Variants in GALK2 observed in about 807,000 individuals in gnomAD.
GALK2 encodes the protein galactokinase 2, also known as N-acetylgalactosamine kinase.
A neutral mutation model predicts 52.4 loss-of-function variants in GALK2; 36 were observed. That is an observed-to-expected ratio of 0.69 (90% CI 0.53 to 0.91). The LOEUF (loss-of-function observed/expected upper bound fraction) is 0.91, where lower values mean the gene tolerates loss of function less well. Ranked by LOEUF, GALK2 falls within the 40% of genes least tolerant of loss-of-function variation. The pLI is 0.00. For missense variants in GALK2, 579 were observed against 559.1 expected (o/e 1.04, Z -0.36); for synonymous variants, 176 against 199.1 (o/e 0.88, Z 0.98).
chr15:49,329,734 T>C lies in GALK2; in HGVS notation c.*1575T>C, dbSNP rs1429223056. On this transcript the variant is annotated 3_prime_UTR_variant, in exon 10 of 10. Transcript: ENST00000560031. Reference sequence around the variant, plus strand: ...TATTTAAATTTATAATCCTTTATTTTTTAATACCGTGCCATTTTCCACAAA... The same window carrying C: ...TATTTAAATTTATAATCCTTTATTTCTTAATACCGTGCCATTTTCCACAAA... The C allele has an allele frequency of 3.1e-6, 3 of 974,468 alleles. No individual in the cohort carries two copies. Among genetic ancestry groups the C allele is most frequent in the African/African-American group, 1.8e-5 (1 of 56,974 alleles). The allele number at this position is 974,468 out of a possible 1,614,324, so 60.4% of individuals were successfully genotyped here.
intron 2 of GALK2, among the ~76,000 whole-genome samples, chr15:49,214,433 C>T (rs1325274200): frequency 3.4e-5 from 5 of 148,470 alleles, no homozygotes; most frequent in Middle Eastern, 3.5e-3. Context: ...CGGGTTCAAG[C>T]GATTCTCCTG....
At chr15:49,350,158 G>T (rs1390118114) in intron 3 of GALK2, among the ~76,000 whole-genome samples, 1 of 151,892 alleles carries the variant, frequency 6.6e-6, no homozygotes, top group Non-Finnish European at 1.5e-5. Flanking sequence ...TCAAGGCAGT[G>T]TTGTTCATAG....
intron 8 of GALK2, chr15:49,319,118 T>A: frequency 2.7e-6 from 1 of 367,420 alleles, no homozygotes; most frequent in South Asian, 2.1e-5. Context: ...CATGCCCAGG[T>A]AATTTTTGTA....
At position 49,234,699 on chromosome 15, in the gene GALK2, C is replaced by T. The variant is rs146222954; in HGVS notation, c.267-1152C>T. On this transcript the variant is annotated intron_variant, in intron 3 of 9. Coordinates refer to ENST00000560031, the MANE Select transcript of GALK2 (RefSeq NM_002044.4). ...ACCTACCATCAGGTCCCTCCCACAA[C>T]GTGTGAGAATTATGGGAGCTACAAT... Among the ~76,000 whole-genome samples the T allele has an allele frequency of 2.0e-4, 30 of 152,198 alleles. No individual in the cohort carries two copies. In the East Asian group the frequency reaches 5.2e-3, roughly 26 times the overall value.
In GALK2 at chr15:49,192,840, AG is replaced by A. The variant is rs1482893892; in HGVS notation, c.54-8320del. The stretch of plus-strand genomic sequence containing the variant: ...TTTAAAAATTTTTTCTTTTAGAGAC[AG>A]GTCACCCTATGTGGCCTAAGCTAGT... On this transcript the variant is annotated intron_variant, in intron 1 of 9. Coordinates refer to ENST00000560031, the MANE Select transcript of GALK2 (RefSeq NM_002044.4). Among the ~76,000 whole-genome samples the A allele has an allele frequency of 2.0e-5, 3 of 152,026 alleles. No individual in the cohort carries two copies. In the East Asian group the frequency reaches 5.8e-4, roughly 29 times the overall value.
intron 3 of GALK2, among the ~76,000 whole-genome samples, chr15:49,355,745 C>T (rs1371832572): frequency 6.6e-6 from 1 of 151,324 alleles, no homozygotes; most frequent in Non-Finnish European, 1.5e-5. Flanking sequence ...GAGAACACCA[C>T]AAAGATACTC....
chr15:49,175,775 G>A (rs1333475175), intron 1 of GALK2, among the ~76,000 whole-genome samples: 1 of 152,178 alleles, frequency 6.6e-6, no homozygotes, highest in African/African-American at 2.4e-5. Flanking sequence ...CCTGGGCCTG[G>A]TAGTTAAAGA....
At chr15:49,346,070 T>TA (rs964176292) in intron 3 of GALK2, among the ~76,000 whole-genome samples, 1 of 152,042 alleles carries the variant, frequency 6.6e-6, no homozygotes, top group African/African-American at 2.4e-5. Flanking sequence ...TTTTTTCCTT[T>TA]TTCCATGAAG....
intron 5 of GALK2, among the ~76,000 whole-genome samples, chr15:49,241,642 C>T (rs1294603263): frequency 6.6e-6 from 1 of 152,126 alleles, no homozygotes; most frequent in East Asian, 1.9e-4. Flanking sequence ...TGGTAAAGTT[C>T]AGTGGATACA....
chr15:49,328,577 T>G lies in GALK2; in HGVS notation c.*418T>G, dbSNP rs1220040427. The stretch of plus-strand genomic sequence containing the variant: ...TCATTTCTGGTTTCTCTTAGTATTC[T>G]TCTTCCTCAAAGTTGTAGTTGTCTG... On this transcript the variant is annotated 3_prime_UTR_variant, in exon 10 of 10. Coordinates refer to ENST00000560031, the MANE Select transcript of GALK2 (RefSeq NM_002044.4). 11 of 1,602,676 alleles carry G rather than the reference T, an allele frequency of 6.9e-6. No homozygotes were observed. In the South Asian group the frequency reaches 1.1e-4, roughly 16 times the overall value.
At chr15:49,195,689 C>G (rs1195833212) in intron 1 of GALK2, among the ~76,000 whole-genome samples, 2 of 152,042 alleles carry the variant, frequency 1.3e-5, no homozygotes, top group Non-Finnish European at 2.9e-5. Context: ...GGCAGGTTGC[C>G]TAAGCTGGTC....
At chr15:49,289,884 G>A (rs529746378) in intron 7 of GALK2, among the ~76,000 whole-genome samples, 3 of 152,254 alleles carry the variant, frequency 2.0e-5, no homozygotes, top group East Asian at 1.9e-4. Flanking sequence ...TTCCATGACT[G>A]TGGACAAAGC....
At chr15:49,262,845 G>A (rs1400998393) in intron 5 of GALK2, among the ~76,000 whole-genome samples, 2 of 145,166 alleles carry the variant, frequency 1.4e-5, no homozygotes, top group Non-Finnish European at 3.0e-5. Flanking sequence ...TCATTCAGGA[G>A]CAGGTTGTTC....
Position 49,253,737 on chromosome 15 carries a change from T to A in GALK2, c.504+14370T>A, listed in dbSNP as rs545421612. 5.5e-5 allele frequency among the ~76,000 whole-genome samples: 8 copies of A among 144,168 alleles called. 2 individuals carry two copies. Among genetic ancestry groups the A allele is most frequent in the Non-Finnish European group, 1.2e-4 (8 of 64,236 alleles). 94.6% of individuals were successfully genotyped at this position (144,168 alleles called of 152,430 possible). On this transcript the variant is annotated intron_variant, in intron 5 of 9. Transcript: ENST00000560031. Reference sequence around the variant, plus strand: ...GGAGCCTAGCTATAGGAGTGTTTACTTAGGACTCTAGACTTTATGTTATAT... The same window carrying A: ...GGAGCCTAGCTATAGGAGTGTTTACATAGGACTCTAGACTTTATGTTATAT...
intron 3 of GALK2, among the ~76,000 whole-genome samples, chr15:49,354,765 G>C (rs2042833284): frequency 6.6e-6 from 1 of 152,088 alleles, no homozygotes; most frequent in African/African-American, 2.4e-5. Context: ...GCCTGCCTCT[G>C]TAGGCTCCAC....
chr15:49,228,494 A>G (rs1226223193), intron 3 of GALK2, among the ~76,000 whole-genome samples: 4 of 149,008 alleles, frequency 2.7e-5, no homozygotes. Flanking sequence ...CTTCTGCTTG[A>G]TCTAGTTTAT....
chr15:49,333,274 T>C (rs1414814621), downstream of GALK2, among the ~76,000 whole-genome samples: 1 of 152,208 alleles, frequency 6.6e-6, no homozygotes, highest in Non-Finnish European at 1.5e-5. Context: ...TCTGATTGCC[T>C]TTCCTCTCAT....
chr15:49,348,651 C>T (rs568366034), intron 3 of GALK2, among the ~76,000 whole-genome samples: 1 of 152,230 alleles, frequency 6.6e-6, no homozygotes, highest in East Asian at 1.9e-4. Flanking sequence ...CCTTTGTCTG[C>T]CCACCTCCTA....
intron 9 of GALK2, among the ~76,000 whole-genome samples, chr15:49,322,071 C>T (rs1191321288): frequency 3.3e-5 from 5 of 152,176 alleles, no homozygotes; most frequent in African/African-American, 1.2e-4. Context: ...CAGACCTATA[C>T]ATTTAAAAAA....
Sources: allele counts gnomAD v4.1 joint callset (sites outside exome capture counted in the v4.1 genomes callset), GRCh38; gene constraint gnomAD v4.1.1; transcripts MANE v1.5; gene names NCBI Gene and HGNC (gene_info 2026-07-23, HGNC 2026-07-21).